The following KIRREL3 variants were observed in gnomAD, a reference collection of about 807,000 sequenced individuals.
KIRREL3 encodes the protein kirre like nephrin family adhesion molecule 3, also known as kin of IRRE-like protein 3.
In KIRREL3, 36 loss-of-function variants were observed where a neutral mutation model predicts 89.7. That is an observed-to-expected ratio of 0.40 (90% CI 0.31 to 0.53). The LOEUF is 0.53. Among genes scored for constraint, KIRREL3 ranks in the 20% least tolerant of loss-of-function variants. The pLI is 0.49. For missense variants in KIRREL3, 864 were observed against 1,056.6 expected, an observed-to-expected ratio of 0.82 and a Z score of 2.53; for synonymous variants, 445 against 441.4, an observed-to-expected ratio of 1.01 and a Z score of -0.10.
rs1473336512 is a variant in KIRREL3, at chr11:126,553,663, G to C, written c.133+9172C>G. Among the ~76,000 whole-genome samples, 1 of 152,120 alleles carries C rather than the reference G, an allele frequency of 6.6e-6. No homozygotes were observed. The highest frequency in any genetic ancestry group is 1.5e-5 in the Non-Finnish European group (1 of 68,028). On this transcript the variant is annotated intron_variant, in intron 2 of 16. Coordinates refer to ENST00000525144, the MANE Select transcript of KIRREL3 (RefSeq NM_032531.4). The surrounding 1 kb of genome is among the most constrained non-coding windows in gnomAD (Gnocchi z 4.7). ...AACCTTGAAGGGAGTTCTTCTGATG[G>C]GAACTGACTTGTTCTGCTTTAATGC...
chr11:126,601,034 A>G lies in KIRREL3; in HGVS notation c.56-38122T>C, dbSNP rs1942631226. On this transcript the variant is annotated intron_variant, in intron 1 of 16. Coordinates refer to ENST00000525144, the MANE Select transcript of KIRREL3 (RefSeq NM_032531.4). This position sits in a 1 kb window ranked among gnomAD's most constrained non-coding sequence, Gnocchi z 5.8. The stretch of plus-strand genomic sequence containing the variant: ...TTTTCAGGAAATTACCCAGGATTTC[A>G]CAATCTTAGTCAGAAGCGAAATTTA... 6.6e-6 allele frequency among the ~76,000 whole-genome samples: 1 copy of G among 152,188 alleles called. No individual in the cohort carries two copies. The highest frequency in any genetic ancestry group is 6.5e-5 in the Admixed American group (1 of 15,272).
In KIRREL3 at chr11:126,744,479, T is replaced by A. The variant is rs2134228719; in HGVS notation, c.56-181567A>T. Among the ~76,000 whole-genome samples, 1 of 152,142 alleles carries A rather than the reference T, an allele frequency of 6.6e-6. No individual in the cohort carries two copies. Among genetic ancestry groups the A allele is most frequent in the South Asian group, 2.1e-4 (1 of 4,804 alleles). ...ATGGAGAGGTGGCGCAGGTGCGAAA[T>A]GTATCTTGATGGAAGCAGCACCAAG... On this transcript the variant is annotated intron_variant, in intron 1 of 16. Coordinates refer to ENST00000525144, the MANE Select transcript of KIRREL3 (RefSeq NM_032531.4). The surrounding 1 kb of genome is among the most constrained non-coding windows in gnomAD (Gnocchi z 4.7).
In KIRREL3 at chr11:126,642,887, G is replaced by A. The variant is rs1291078855; in HGVS notation, c.56-79975C>T. ...GCATCTCCTCTGTGTCAGGCTTGAA[G>A]TGAGAAATTCAAAGGTGAACCAAGC... is the stretch of plus-strand genomic sequence containing the variant. On this transcript the variant is annotated intron_variant, in intron 1 of 16. Transcript: ENST00000525144. This position sits in a 1 kb window ranked among gnomAD's most constrained non-coding sequence, Gnocchi z 4.9. Among the ~76,000 whole-genome samples the A allele has an allele frequency of 6.6e-6, 1 of 152,196 alleles. No homozygotes were observed. The highest frequency in any genetic ancestry group is 1.5e-5 in the Non-Finnish European group (1 of 68,024).
Position 126,677,201 on chromosome 11 carries a change from T to C in KIRREL3, c.56-114289A>G, listed in dbSNP as rs1946233832. 2.6e-5 allele frequency among the ~76,000 whole-genome samples: 4 copies of C among 152,164 alleles called. No individual in the cohort carries two copies. In the South Asian group the frequency reaches 8.3e-4, roughly 32 times the overall value. ...TTTTAAAATCACCCCAAAGAAACCC[T>C]GTACATTTTAGCTATCCCCTTAGCC... On this transcript the variant is annotated intron_variant, in intron 1 of 16. Coordinates refer to ENST00000525144, the MANE Select transcript of KIRREL3 (RefSeq NM_032531.4). This position sits in a 1 kb window ranked among gnomAD's most constrained non-coding sequence, Gnocchi z 5.1.
intron 1 of KIRREL3, among the ~76,000 whole-genome samples, chr11:126,829,248 A>C (rs965613557): frequency 6.6e-6 from 1 of 152,182 alleles, no homozygotes; most frequent in Non-Finnish European, 1.5e-5. Context: ...GATCAACAGG[A>C]TCTGTCACGG....
chr11:126,728,183 A>C (rs1283481644), intron 1 of KIRREL3, among the ~76,000 whole-genome samples: 1 of 152,028 alleles, frequency 6.6e-6, no homozygotes, highest in Non-Finnish European at 1.5e-5. Context: ...GGCCCCATGA[A>C]ATAATTGGGA....
At chr11:126,506,579 G>A (rs1958022533) in intron 4 of KIRREL3, among the ~76,000 whole-genome samples, 1 of 152,214 alleles carries the variant, frequency 6.6e-6, no homozygotes, top group South Asian at 2.1e-4. Flanking sequence ...GTGTTGGCAA[G>A]GATGTAGAGA....
rs1947941371 is a variant in KIRREL3, at chr11:126,931,352, ACATTC to A, written c.55+69098_55+69102del. 5.8e-5 allele frequency among the ~76,000 whole-genome samples: 2 copies of A among 34,506 alleles called. No individual in the cohort carries two copies. Among genetic ancestry groups the A allele is most frequent in the Admixed American group, 2.5e-4 (1 of 4,006 alleles). The allele number at this position is 34,506 out of a possible 152,430, so 22.6% of individuals were successfully genotyped here. ...ACCTGCCTTTCCTCCCTCCCTCCATACATTCCTTCTTTCCTTCCTTCCTCCCTACC... is the reference window on the plus strand; with the variant it reads ...ACCTGCCTTTCCTCCCTCCCTCCATACTTCTTTCCTTCCTTCCTCCCTACC... On this transcript the variant is annotated intron_variant, in intron 1 of 16. Transcript: ENST00000525144. This position sits in a 1 kb window ranked among gnomAD's most constrained non-coding sequence, Gnocchi z 5.1.
At chr11:126,593,724 A>G (rs75429507) in intron 1 of KIRREL3, among the ~76,000 whole-genome samples, 34 of 152,328 alleles carry the variant, frequency 2.2e-4, no homozygotes, top group Non-Finnish European at 3.5e-4. Flanking sequence ...GAACGTGCAT[A>G]TAAGCCTTAG....
At position 126,535,756 on chromosome 11, in the gene KIRREL3, G is replaced by A. The variant is rs111566212; in HGVS notation, c.134-9069C>T. On this transcript the variant is annotated intron_variant, in intron 2 of 16. Coordinates refer to ENST00000525144, the MANE Select transcript of KIRREL3 (RefSeq NM_032531.4). This position sits in a 1 kb window ranked among gnomAD's most constrained non-coding sequence, Gnocchi z 4.5. Reference sequence around the variant, plus strand: ...TCCCAGCACTTTGGGAAGCTGAGGCGGGTGGATCACCTGAGGTCAGGGGTT... The same window carrying A: ...TCCCAGCACTTTGGGAAGCTGAGGCAGGTGGATCACCTGAGGTCAGGGGTT... 8.6e-4 allele frequency among the ~76,000 whole-genome samples: 131 copies of A among 152,326 alleles called. No individual in the cohort carries two copies. The highest frequency in any genetic ancestry group is 3.0e-3 in the African/African-American group (124 of 41,570).
At chr11:126,841,913 C>T (rs559980137) in intron 1 of KIRREL3, among the ~76,000 whole-genome samples, 17 of 152,266 alleles carry the variant, frequency 1.1e-4, no homozygotes, top group South Asian at 4.1e-4. Context: ...AGGTGGACCA[C>T]GGGGTTGAAA....
chr11:126,521,240 A>G lies in KIRREL3; in HGVS notation c.433+75T>C. 1 of 1,416,972 alleles carries G rather than the reference A, an allele frequency of 7.1e-7. No homozygotes were observed. Among genetic ancestry groups the G allele is most frequent in the Non-Finnish European group, 9.3e-7 (1 of 1,076,200 alleles). The allele number at this position is 1,416,972 out of a possible 1,614,324, so 87.8% of individuals were successfully genotyped here. A position where few individuals can be genotyped will look rare whatever the true frequency, so the allele number is the denominator to read the frequency against. On this transcript the variant is annotated intron_variant, in intron 4 of 16. Coordinates refer to ENST00000525144, the MANE Select transcript of KIRREL3 (RefSeq NM_032531.4). The surrounding 1 kb of genome is among the most constrained non-coding windows in gnomAD (Gnocchi z 4.1). Reference sequence around the variant, plus strand: ...GAGGGGAGTCTCCCCATGTCTGACCAAAAAAATACCCTCTTGGAGCTGAGC... The same window carrying G: ...GAGGGGAGTCTCCCCATGTCTGACCGAAAAAATACCCTCTTGGAGCTGAGC...
At chr11:126,573,532 A>G (rs957249038) in intron 1 of KIRREL3, among the ~76,000 whole-genome samples, 2 of 151,996 alleles carry the variant, frequency 1.3e-5, no homozygotes, top group Admixed American at 1.3e-4. Flanking sequence ...CCAGCGGAAA[A>G]GGCAGGGAAC....
At chr11:126,886,097 A>T (rs1189957031) in intron 1 of KIRREL3, among the ~76,000 whole-genome samples, 2 of 152,178 alleles carry the variant, frequency 1.3e-5, no homozygotes, top group African/African-American at 2.4e-5. Context: ...CTCCCTGCCC[A>T]CATGACATTC....
Position 126,840,994 on chromosome 11 carries a change from AT to A in KIRREL3, c.55+159460del, listed in dbSNP as rs1747184844. ...CATCTATAGTAAGAATGAATCTTCTATTTGTGAAACTGTCAACAGCATATTG... is the reference window on the plus strand; with the variant it reads ...CATCTATAGTAAGAATGAATCTTCTATTGTGAAACTGTCAACAGCATATTG... On this transcript the variant is annotated intron_variant, in intron 1 of 16. Transcript: ENST00000525144. Among the ~76,000 whole-genome samples, 6 of 152,348 alleles carry A rather than the reference AT, an allele frequency of 3.9e-5. No individual in the cohort carries two copies. The South Asian group carries it at 1.2e-3, about 32-fold the overall frequency.
intron 1 of KIRREL3, among the ~76,000 whole-genome samples, chr11:126,588,528 A>ACC (rs368492537): frequency 1.2e-3 from 177 of 152,124 alleles, no homozygotes; most frequent in Middle Eastern, 6.8e-3. Context: ...CAGGGAGGGG[A>ACC]AGGAGAGGAG....
rs776631470 is a variant in KIRREL3, at chr11:126,744,793, G to A, written c.56-181881C>T. Among the ~76,000 whole-genome samples, 1 of 151,980 alleles carries A rather than the reference G, an allele frequency of 6.6e-6. No individual in the cohort carries two copies. Among genetic ancestry groups the A allele is most frequent in the Non-Finnish European group, 1.5e-5 (1 of 68,020 alleles). ...TGCTGCCTTCCCTGCTAGAATATAG[G>A]CTTCATGAGGCAGGTACTGTATTTG... On this transcript the variant is annotated intron_variant, in intron 1 of 16. Transcript: ENST00000525144. The surrounding 1 kb of genome is among the most constrained non-coding windows in gnomAD (Gnocchi z 4.7).
chr11:126,784,776 A>C (rs1257468907), intron 1 of KIRREL3, among the ~76,000 whole-genome samples: 1 of 152,190 alleles, frequency 6.6e-6, no homozygotes, highest in Non-Finnish European at 1.5e-5. Context: ...CTACGGTCAG[A>C]CTTACCCTCT....
At chr11:126,510,362 A>G (rs574338318) in intron 4 of KIRREL3, among the ~76,000 whole-genome samples, 3 of 152,198 alleles carry the variant, frequency 2.0e-5, no homozygotes, top group South Asian at 2.1e-4. Context: ...GAAGCTTACT[A>G]CTTAACTGAA....
Sources: allele counts gnomAD v4.1 joint callset (sites outside exome capture counted in the v4.1 genomes callset), GRCh38; gene constraint gnomAD v4.1.1; non-coding constraint Gnocchi (gnomAD v3.1); transcripts MANE v1.5; gene names NCBI Gene and HGNC (gene_info 2026-07-23, HGNC 2026-07-21).